The following NEGR1 variants were observed in gnomAD, a reference collection of about 807,000 sequenced individuals.
NEGR1 encodes the protein IgLON family member 4.
NEGR1 carries 10 observed loss-of-function variants against 40.9 expected under a neutral mutation model. The ratio of observed to expected loss-of-function variants is 0.24; its 90% CI spans 0.15 to 0.42. The LOEUF (loss-of-function observed/expected upper bound fraction) is 0.42. Among genes scored for constraint, NEGR1 ranks in the 10% least tolerant of loss-of-function variants. The pLI is 1.00. For missense variants in NEGR1, 352 were observed against 438.9 expected (o/e 0.80, Z 1.77); for synonymous variants, 185 against 166.8 (o/e 1.11, Z -0.84).
At chr1:71,507,517 G>T (rs1647043519) in intron 6 of NEGR1, among the ~76,000 whole-genome samples, 1 of 152,060 alleles carries the variant, frequency 6.6e-6, no homozygotes, top group Admixed American at 6.5e-5. Flanking sequence ...ACTTGTCAAA[G>T]GATAAACAAA....
intron 3 of NEGR1, among the ~76,000 whole-genome samples, chr1:71,726,881 C>T (rs554914296): frequency 5.9e-4 from 90 of 152,156 alleles, no homozygotes; most frequent in African/African-American, 2.1e-3. Flanking sequence ...AAAAAAAATG[C>T]TACGCATGTA....
intron 1 of NEGR1, among the ~76,000 whole-genome samples, chr1:72,086,423 C>A (rs572791820): frequency 1.6e-4 from 25 of 152,110 alleles, no homozygotes; most frequent in African/African-American, 5.3e-4. Flanking sequence ...AGGTGCTTTA[C>A]AAAATTAAAA....
intron 3 of NEGR1, among the ~76,000 whole-genome samples, chr1:71,751,360 A>G (rs1336147089): frequency 6.6e-6 from 1 of 152,216 alleles, no homozygotes. Flanking sequence ...GCACTTCAAG[A>G]AAAGTATTTG....
At chr1:71,957,965 G>A (rs964846079) in intron 1 of NEGR1, among the ~76,000 whole-genome samples, 3 of 152,110 alleles carry the variant, frequency 2.0e-5, no homozygotes, top group African/African-American at 7.2e-5. Flanking sequence ...TAATGACAGA[G>A]TTGCCTGAAA....
chr1:71,556,584 A>G (rs913104745), intron 6 of NEGR1, among the ~76,000 whole-genome samples: 1 of 151,336 alleles, frequency 6.6e-6, no homozygotes, highest in African/African-American at 2.4e-5. Flanking sequence ...TTTGTTATTC[A>G]TGCTGGCGAC....
chr1:71,488,877 A>G lies in NEGR1; in HGVS notation c.941-81307T>C, dbSNP rs150369128. ...CTCACAAAGATGATGGTGTGGTATA[A>G]TTGAAAATACTACACAGTTTGGAAA... is the stretch of plus-strand genomic sequence containing the variant. On this transcript the variant is annotated intron_variant, in intron 6 of 6. Transcript: ENST00000357731. Among the ~76,000 whole-genome samples the G allele has an allele frequency of 3.4e-4, 52 of 151,924 alleles. No individual in the cohort carries two copies. In the East Asian group the frequency reaches 7.6e-3, roughly 22 times the overall value.
chr1:71,915,611 A>G (rs1182611796), intron 2 of NEGR1, among the ~76,000 whole-genome samples: 3 of 152,160 alleles, frequency 2.0e-5, no homozygotes, highest in South Asian at 4.1e-4. Context: ...AAAACTTCCC[A>G]TAGACTAAGG....
chr1:72,030,712 A>T (rs1569850957), intron 1 of NEGR1, among the ~76,000 whole-genome samples: 1 of 152,318 alleles, frequency 6.6e-6, no homozygotes, highest in African/African-American at 2.4e-5. Flanking sequence ...ACATGAGAAC[A>T]TTAGATAAAG....
At chr1:71,859,860 TC>T (rs1659892303) in intron 2 of NEGR1, among the ~76,000 whole-genome samples, 1 of 152,082 alleles carries the variant, frequency 6.6e-6, no homozygotes, top group African/African-American at 2.4e-5. Context: ...TATTCATCCA[TC>T]TAAATATCAA....
intron 6 of NEGR1, among the ~76,000 whole-genome samples, chr1:71,447,719 C>G (rs1168463192): frequency 1.3e-5 from 2 of 152,208 alleles, no homozygotes; most frequent in African/African-American, 4.8e-5. Flanking sequence ...TATACATTTT[C>G]TCCCTAAGGG....
chr1:72,009,079 G>C (rs1646634517), intron 1 of NEGR1, among the ~76,000 whole-genome samples: 1 of 151,576 alleles, frequency 6.6e-6, no homozygotes, highest in South Asian at 2.1e-4. Flanking sequence ...AATATGTTAT[G>C]GCTACTAATA....
intron 1 of NEGR1, among the ~76,000 whole-genome samples, chr1:71,997,918 C>T (rs1646519042): frequency 6.6e-6 from 1 of 151,948 alleles, no homozygotes. Context: ...ACCATACTAC[C>T]TTCTACCTAT....
At chr1:71,806,641 G>A (rs533368953) in intron 2 of NEGR1, among the ~76,000 whole-genome samples, 11 of 152,088 alleles carry the variant, frequency 7.2e-5, no homozygotes, top group African/African-American at 2.7e-4. Flanking sequence ...TCCCAAAACT[G>A]TGGTAAGCTA....
At chr1:72,063,409 C>T (rs892434584) in intron 1 of NEGR1, among the ~76,000 whole-genome samples, 2 of 151,804 alleles carry the variant, frequency 1.3e-5, no homozygotes, top group East Asian at 2.0e-4. Context: ...TTATGTACGG[C>T]GTAATGGAAA....
intron 2 of NEGR1, among the ~76,000 whole-genome samples, chr1:71,834,568 T>C (rs1658950903): frequency 6.6e-6 from 1 of 151,750 alleles, no homozygotes; most frequent in South Asian, 2.1e-4. Flanking sequence ...CTGGATATTA[T>C]ACTTTCAGAA....
At chr1:71,953,374 A>G (rs1280478840) in intron 1 of NEGR1, among the ~76,000 whole-genome samples, 1 of 151,928 alleles carries the variant, frequency 6.6e-6, no homozygotes, top group East Asian at 1.9e-4. Flanking sequence ...GCCTGAATTG[A>G]TGCAATCTCG....
At chr1:72,070,750 G>A (rs1276902302) in intron 1 of NEGR1, among the ~76,000 whole-genome samples, 1 of 151,884 alleles carries the variant, frequency 6.6e-6, no homozygotes, top group Non-Finnish European at 1.5e-5. Context: ...CTACATTGTG[G>A]TTGTGTTTCT....
intron 2 of NEGR1, among the ~76,000 whole-genome samples, chr1:71,834,713 C>T (rs1484580059): frequency 6.6e-6 from 1 of 152,022 alleles, no homozygotes. Flanking sequence ...ACCAATACAG[C>T]TAACAATTGT....
chr1:71,673,118 A>T (rs1405680596), intron 4 of NEGR1, among the ~76,000 whole-genome samples: 1 of 152,146 alleles, frequency 6.6e-6, no homozygotes, highest in Non-Finnish European at 1.5e-5. Flanking sequence ...GGGCGCCTGT[A>T]GTCCCAGCTA....
Sources: gnomAD v4.1 joint callset for allele counts (sites outside exome capture counted in the v4.1 genomes callset) on GRCh38, gnomAD v4.1.1 for gene constraint, MANE v1.5 for transcripts, NCBI Gene and HGNC (gene_info 2026-07-23, HGNC 2026-07-21) for gene names.